The following VAT1L variants were observed in gnomAD, a reference collection of about 807,000 sequenced individuals.
The protein encoded by VAT1L is vesicle amine transport 1 like, also known as putative NADPH-dependent quinone oxidoreductase VAT1L.
VAT1L carries 34 observed loss-of-function variants against 44.1 expected under a neutral mutation model. That is an observed-to-expected ratio of 0.77 (90% confidence interval 0.59 to 1.03). The LOEUF (loss-of-function observed/expected upper bound fraction) is 1.03. VAT1L is among the 50% of genes least tolerant of loss of function. The pLI is 0.00. For synonymous variants in VAT1L, 253 were observed against 202.2 expected, an observed-to-expected ratio of 1.25 and a Z score of -2.13; for missense variants, 615 against 538.8, an observed-to-expected ratio of 1.14 and a Z score of -1.40.
chr16:77,927,436 A>C (rs776533485), intron 7 of VAT1L, among the ~76,000 whole-genome samples: 2 of 152,056 alleles, frequency 1.3e-5, no homozygotes, highest in Non-Finnish European at 2.9e-5. Context: ...AGCAACTAGT[A>C]AGAAGTACAA....
chr16:77,881,528 G>T (rs889935316), intron 6 of VAT1L, among the ~76,000 whole-genome samples: 3 of 152,232 alleles, frequency 2.0e-5, no homozygotes, highest in Admixed American at 1.3e-4. Context: ...GTATGGTAAG[G>T]AGTTTGGAAT....
chr16:77,901,657 C>T (rs560131239), intron 7 of VAT1L, among the ~76,000 whole-genome samples: 1 of 152,154 alleles, frequency 6.6e-6, no homozygotes, highest in Non-Finnish European at 1.5e-5. Context: ...GCCATCAGCA[C>T]TTCCTTCTAC....
intron 7 of VAT1L, among the ~76,000 whole-genome samples, chr16:77,908,837 C>T (rs2017468600): frequency 2.0e-5 from 3 of 151,822 alleles, no homozygotes; most frequent in Admixed American, 1.3e-4. Flanking sequence ...CGGCGTGAAC[C>T]CGGGAGGCGG....
chr16:77,946,279 C>CGTTTTTTTTTTTTTTTTTTTTT (rs1223152362), intron 7 of VAT1L, among the ~76,000 whole-genome samples: 1 of 70,428 alleles, frequency 1.4e-5, no homozygotes, highest in African/African-American at 5.3e-5. Flanking sequence ...GTTACTTGTT[C>CGTTTTTTTTTTTTTTTTTTTTT]TTTTTTTTTT....
chr16:77,837,211 T>C (rs1585689), intron 3 of VAT1L, among the ~76,000 whole-genome samples: 111,455 of 152,012 alleles, frequency 0.73, 41,357 homozygotes, highest in African/African-American at 0.83. Flanking sequence ...AGTTAAGGAT[T>C]GCCTGGGTTT....
intron 7 of VAT1L, among the ~76,000 whole-genome samples, chr16:77,930,713 C>T (rs2017721976): frequency 6.6e-6 from 1 of 152,134 alleles, no homozygotes; most frequent in Non-Finnish European, 1.5e-5. Context: ...CAGTCTTCTT[C>T]CCAGGAAATG....
chr16:77,803,969 A>C (rs1307194057), intron 1 of VAT1L, among the ~76,000 whole-genome samples: 1 of 152,104 alleles, frequency 6.6e-6, no homozygotes. Flanking sequence ...GTGATTTAAG[A>C]ACTACCCTCT....
Position 77,879,253 on chromosome 16 carries a change from G to A in VAT1L, c.882+29G>A. 1 of 1,606,822 alleles carries A rather than the reference G, an allele frequency of 6.2e-7. No homozygotes were observed. ...AGTATCCAGGCACATCTGATGTACT[G>A]TGGTGGCATGTTGATTCACATGTTG... On this transcript the variant is annotated intron_variant, in intron 6 of 8. Coordinates refer to ENST00000302536, the MANE Select transcript of VAT1L (RefSeq NM_020927.3). This position sits in a 1 kb window ranked among gnomAD's most constrained non-coding sequence, Gnocchi z 4.1.
chr16:77,962,780 G>GGAAGGA (rs1567523656), intron 7 of VAT1L, among the ~76,000 whole-genome samples: 4 of 151,758 alleles, frequency 2.6e-5, no homozygotes, highest in African/African-American at 9.7e-5. Flanking sequence ...AGGAAGGAAA[G>GGAAGGA]AAAGAGAAAA....
At chr16:77,803,054 A>G (rs190805297) in intron 1 of VAT1L, among the ~76,000 whole-genome samples, 1 of 152,282 alleles carries the variant, frequency 6.6e-6, no homozygotes, top group East Asian at 1.9e-4. Flanking sequence ...TGCAGAAATT[A>G]TTGTTTGCCA....
chr16:77,934,999 G>T (rs150516721), intron 7 of VAT1L, among the ~76,000 whole-genome samples: 3 of 151,950 alleles, frequency 2.0e-5, no homozygotes, highest in Admixed American at 1.3e-4. Context: ...TTGAGTATAG[G>T]GGGGATAAAA....
intron 1 of VAT1L, among the ~76,000 whole-genome samples, chr16:77,814,251 ACT>A (rs1236529604): frequency 6.6e-6 from 1 of 152,156 alleles, no homozygotes; most frequent in Non-Finnish European, 1.5e-5. Context: ...ACTCGGGAGT[ACT>A]CTGTTAACAA....
At chr16:77,822,381 G>C (rs929278125) in intron 2 of VAT1L, among the ~76,000 whole-genome samples, 1 of 152,116 alleles carries the variant, frequency 6.6e-6, no homozygotes, top group African/African-American at 2.4e-5. Flanking sequence ...GCCTCCCAAA[G>C]TGCTGGGATT....
chr16:77,840,633 C>A (rs1396106249), intron 3 of VAT1L, among the ~76,000 whole-genome samples: 1 of 152,168 alleles, frequency 6.6e-6, no homozygotes, highest in Non-Finnish European at 1.5e-5. Flanking sequence ...ATACTACAGA[C>A]CAGTTGTATT....
At chr16:77,815,723 A>G (rs12926253) in intron 1 of VAT1L, among the ~76,000 whole-genome samples, 37 of 151,842 alleles carry the variant, frequency 2.4e-4, no homozygotes, top group Middle Eastern at 6.9e-3. Flanking sequence ...AATCCCAGCA[A>G]TTTGGGAGAC....
At chr16:77,838,507 C>T (rs577255351) in intron 3 of VAT1L, among the ~76,000 whole-genome samples, 19 of 152,190 alleles carry the variant, frequency 1.2e-4, no homozygotes, top group African/African-American at 4.1e-4. Flanking sequence ...TTGCACTCAC[C>T]CCCCTGCTCT....
chr16:77,895,011 A>C (rs1157161605), intron 7 of VAT1L, among the ~76,000 whole-genome samples: 2 of 151,900 alleles, frequency 1.3e-5, no homozygotes, highest in Non-Finnish European at 2.9e-5. Flanking sequence ...GTAGGTCCCT[A>C]CACTTCATTT....
chr16:77,872,641 T>TAAG (rs1200596770), intron 4 of VAT1L, among the ~76,000 whole-genome samples: 1 of 152,128 alleles, frequency 6.6e-6, no homozygotes, highest in East Asian at 1.9e-4. Context: ...CCTCCCACCA[T>TAAG]AAGGCCTTTG....
In VAT1L at chr16:77,824,997, G is replaced by C. The variant is rs550142939; in HGVS notation, c.364-249G>C. Among the ~76,000 whole-genome samples, 12 of 149,966 alleles carry C rather than the reference G, an allele frequency of 8.0e-5. No individual in the cohort carries two copies. The South Asian group carries it at 2.5e-3, about 32-fold the overall frequency. Reference sequence around the variant, plus strand: ...TTCTCCTGCCTCAGCCTCCTGAATAGCTGGGACTACAGGCATGCGCCATCA... The same window carrying C: ...TTCTCCTGCCTCAGCCTCCTGAATACCTGGGACTACAGGCATGCGCCATCA... On this transcript the variant is annotated intron_variant, in intron 2 of 8. Transcript: ENST00000302536.
Sources: allele counts gnomAD v4.1 joint callset (sites outside exome capture counted in the v4.1 genomes callset), GRCh38; gene constraint gnomAD v4.1.1; non-coding constraint Gnocchi (gnomAD v3.1); transcripts MANE v1.5; gene names NCBI Gene and HGNC (gene_info 2026-07-23, HGNC 2026-07-21).